Variants in DDX21 observed in about 807,000 individuals in gnomAD.
The protein encoded by DDX21 is DExD-box helicase 21.
In DDX21, 18 loss-of-function variants were observed where a neutral mutation model predicts 90.0. The ratio of observed to expected loss-of-function variants is 0.20; its 90% CI spans 0.14 to 0.30. The LOEUF (loss-of-function observed/expected upper bound fraction) is 0.30. DDX21 is among the 10% of genes least tolerant of loss of function. DDX21 has a pLI of 1.00. For missense variants in DDX21, 673 were observed against 944.5 expected, an observed-to-expected ratio of 0.71 and a Z score of 3.77; for synonymous variants, 294 against 318.0, an observed-to-expected ratio of 0.92 and a Z score of 0.80.
chr10:68,956,348 G>A, intron 1 of DDX21, 36 bp downstream of exon 1: 1 of 1,612,898 alleles, frequency 6.2e-7, no homozygotes, highest in Non-Finnish European at 8.5e-7. Flanking sequence ...GAGGGACGCT[G>A]AATGGAGCGG....
intron 10 of DDX21, among the ~76,000 whole-genome samples, chr10:68,973,910 C>T (rs1843059537): frequency 6.6e-6 from 1 of 151,932 alleles, no homozygotes; most frequent in African/African-American, 2.4e-5. Flanking sequence ...AAATATGAAC[C>T]AGAGATAATT....
intron 1 of DDX21, chr10:68,956,733 T>TA (rs935794436): frequency 2.0e-6 from 2 of 1,022,300 alleles, no homozygotes; most frequent in African/African-American, 3.4e-5. Flanking sequence ...CGAAGGAAGT[T>TA]ACACGTCAAG....
At chr10:68,972,712 C>A (rs1843044800) in intron 9 of DDX21, among the ~76,000 whole-genome samples, 1 of 152,142 alleles carries the variant, frequency 6.6e-6, no homozygotes, top group African/African-American at 2.4e-5. Flanking sequence ...GATATGGTAG[C>A]CACTAGCTGT....
rs1264594416 is a variant in DDX21, at chr10:68,973,699, T to C, written c.1668+35T>C. 3 of 1,601,124 alleles carry C rather than the reference T, an allele frequency of 1.9e-6. No individual in the cohort carries two copies. In the Admixed American group the frequency reaches 5.2e-5, roughly 28 times the overall value. On this transcript the variant is annotated intron_variant, in intron 10 of 14. Transcript: ENST00000354185. ...TTCTTACCTTTCATTAAGCAAATGTTGAGTTCTAAAGTCAGTCTTTGGTTT... is the reference window on the plus strand; with the variant it reads ...TTCTTACCTTTCATTAAGCAAATGTCGAGTTCTAAAGTCAGTCTTTGGTTT...
At position 68,973,643 on chromosome 10, in the gene DDX21, A is replaced by G; in HGVS notation, c.1647A>G (p.Leu549=). 1 of 1,614,144 alleles carries G rather than the reference A, an allele frequency of 6.2e-7. No homozygotes were observed. The highest frequency in any genetic ancestry group is 8.5e-7 in the Non-Finnish European group (1 of 1,179,976). Reference sequence around the variant, plus strand: ...ATCAGCACAAGGAAGAATATCAGTTAGTACAAGTGGAGCAAAAAGCGGTAA... The same window carrying G: ...ATCAGCACAAGGAAGAATATCAGTTGGTACAAGTGGAGCAAAAAGCGGTAA... The part of the protein sequence containing the change: ...CFYQHKEEYQ[L]VQVEQKAGIK... The change falls in exon 10 of 15, where the codon TTA becomes TTG. Residue 549 remains leucine (L), a synonymous_variant. Coordinates refer to ENST00000354185, the MANE Select transcript of DDX21 (RefSeq NM_004728.4).
chr10:68,969,170 T>A, intron 7 of DDX21, 49 bp downstream of exon 7: 1 of 1,545,582 alleles, frequency 6.5e-7, no homozygotes, highest in Non-Finnish European at 8.7e-7. Flanking sequence ...TATATTTTTT[T>A]CTTGTCTGTT....
chr10:68,983,050 T>G lies in DDX21; in HGVS notation c.*238T>G. 1.8e-6 allele frequency: 1 copy of G among 567,626 alleles called. No individual in the cohort carries two copies. 35.2% of individuals were successfully genotyped at this position (567,626 alleles called of 1,614,324 possible). ...CCTTTTGAAAGGTGTATGAATTCAT[T>G]ACATTTTTATTCTAATGTATTATCT... is the stretch of plus-strand genomic sequence containing the variant. On this transcript the variant is annotated 3_prime_UTR_variant, in exon 15 of 15. Transcript: ENST00000354185.
chr10:68,967,495 T>C (rs575782798), intron 6 of DDX21, among the ~76,000 whole-genome samples: 75 of 151,864 alleles, frequency 4.9e-4, no homozygotes, highest in Non-Finnish European at 9.3e-4. Context: ...TTCTAAGAGA[T>C]TAATAAAGCC....
chr10:68,961,061 A>G (rs1317825083), intron 2 of DDX21, among the ~76,000 whole-genome samples: 1 of 152,190 alleles, frequency 6.6e-6, no homozygotes, highest in East Asian at 1.9e-4. Context: ...TAATTCTGTT[A>G]TCTTTCAGAA....
At chr10:68,975,971 C>T (rs917735201) in intron 11 of DDX21, among the ~76,000 whole-genome samples, 3 of 151,464 alleles carry the variant, frequency 2.0e-5, no homozygotes, top group Non-Finnish European at 4.4e-5. Flanking sequence ...ATCACTTGAA[C>T]CCGAGAGGTG....
intron 11 of DDX21, among the ~76,000 whole-genome samples, chr10:68,975,021 T>A (rs1843078865): frequency 1.3e-5 from 2 of 152,114 alleles, no homozygotes; most frequent in African/African-American, 2.4e-5. Flanking sequence ...CGTGCTGAAG[T>A]AGAATTTCAC....
At chr10:68,957,125 T>C (rs145242226) in intron 1 of DDX21, among the ~76,000 whole-genome samples, 2,051 of 152,232 alleles carry the variant, frequency 0.013, 40 homozygotes, top group African/African-American at 0.047. Flanking sequence ...GCCGCGTCTT[T>C]AGTGACTTTT....
rs754549618 is a variant in DDX21, at chr10:68,977,656, G to A, written c.1870G>A (p.Val624Ile). 41 of 1,612,954 alleles carry A rather than the reference G, an allele frequency of 2.5e-5. No homozygotes were observed. The highest frequency in any genetic ancestry group is 5.5e-5 in the South Asian group (5 of 90,988). Residue 624 changes from valine (V) to isoleucine (I), a missense_variant, in exon 12 of 15, where the codon GTA (valine) becomes ATA (isoleucine). Val to Ile is a conservative substitution (Grantham distance 29, BLOSUM62 3). This residue lies in a region of DDX21 where 225 missense variants were observed against 298.8 expected (regional missense o/e 0.75). Transcript: ENST00000354185. ...ALAHISGATS[V>I]DQRSLINSNV... ...GGCCCATATTTCAGGTGCCACGTCC[G>A]TAGACCAGCGCTCCTTGATCAACTC...
intron 7 of DDX21, 130 bp downstream of exon 7, chr10:68,969,251 T>C: frequency 1.1e-6 from 1 of 933,350 alleles, no homozygotes; most frequent in Non-Finnish European, 1.6e-6. Context: ...AGGAAAAATA[T>C]TTCTATTTGA....
intron 1 of DDX21, 111 bp from the exon 2 acceptor site, chr10:68,959,695 T>C (rs1842847709): frequency 4.7e-6 from 4 of 854,892 alleles, no homozygotes; most frequent in Non-Finnish European, 6.7e-6. Context: ...TGCCCCAAAA[T>C]TGTATTTTTT....
rs1842851797 is a variant in DDX21, at chr10:68,960,012, A to G, written c.294A>G (p.Lys98=). 1 of 1,604,668 alleles carries G rather than the reference A, an allele frequency of 6.2e-7. No individual in the cohort carries two copies. Among genetic ancestry groups the G allele is most frequent in the Non-Finnish European group, 8.5e-7 (1 of 1,178,128 alleles). ...CTAAAACCAAAAGTTTGAGAAAGAAAAAGGAGCCCATTGAAAAGAAAGTGG... is the reference window on the plus strand; with the variant it reads ...CTAAAACCAAAAGTTTGAGAAAGAAGAAGGAGCCCATTGAAAAGAAAGTGG... ...ISPKTKSLRK[K]KEPIEKKVVS... Residue 98 remains lysine (K), a synonymous_variant, in exon 2 of 15, where the codon AAA becomes AAG. Transcript: ENST00000354185.
chr10:68,982,400 A>G, intron 14 of DDX21, 143 bp from the exon 15 acceptor site: 1 of 1,159,834 alleles, frequency 8.6e-7, no homozygotes, highest in Non-Finnish European at 1.2e-6. Context: ...ATGGGTGGCC[A>G]GTGTTATTTT....
Position 68,982,645 on chromosome 10 carries a change from G to T in DDX21, c.2185G>T (p.Glu729Ter). 6.2e-7 allele frequency: 1 copy of T among 1,613,298 alleles called. No homozygotes were observed. Among genetic ancestry groups the T allele is most frequent in the Non-Finnish European group, 8.5e-7 (1 of 1,179,694 alleles). The change falls in exon 15 of 15, where the codon GAA (glutamate) becomes TAA (stop). Residue 729 changes from glutamate (E) to a stop codon, truncating the protein, a stop_gained. Coordinates refer to ENST00000354185, the MANE Select transcript of DDX21 (RefSeq NM_004728.4). LOFTEE classifies it high-confidence loss of function. ...ATATGGAGGCTTCAGGGGACAGCGG[G>T]AAGGCAGTCGAGGCTTCAGGGGACA... is the stretch of plus-strand genomic sequence containing the variant. ...EGYGGFRGQR[E>*]GSRGFRGQRD...
intron 12 of DDX21, among the ~76,000 whole-genome samples, chr10:68,977,960 A>T (rs117811919): frequency 0.059 from 8,942 of 152,006 alleles, 316 homozygotes; most frequent in Middle Eastern, 0.11. Context: ...AATAAAAAAA[A>T]AAAAAATTAG....
Sources: allele counts gnomAD v4.1 joint callset (sites outside exome capture counted in the v4.1 genomes callset), GRCh38; gene constraint gnomAD v4.1.1; regional missense constraint gnomAD v4.1.1; transcripts MANE v1.5; gene names NCBI Gene and HGNC (gene_info 2026-07-23, HGNC 2026-07-21).